The following MIGA1 variants were observed in gnomAD, a reference collection of about 807,000 sequenced individuals.
The protein encoded by MIGA1 is mitoguardin 1, also known as family with sequence similarity 73, member A.
MIGA1 carries 58 observed loss-of-function variants against 82.0 expected under a neutral mutation model. That is an observed-to-expected ratio of 0.71 (90% CI 0.57 to 0.88). MIGA1 has a LOEUF of 0.88. Among genes scored for constraint, MIGA1 ranks in the 40% least tolerant of loss-of-function variants. MIGA1 has a pLI of 0.00. For missense variants in MIGA1, 751 were observed against 749.1 expected, an observed-to-expected ratio of 1.00 and a Z score of -0.03; for synonymous variants, 249 against 253.6, an observed-to-expected ratio of 0.98 and a Z score of 0.17.
intron 7 of MIGA1, among the ~76,000 whole-genome samples, chr1:77,829,804 GT>G (rs567000156): frequency 4.7e-4 from 72 of 152,024 alleles, no homozygotes; most frequent in African/African-American, 1.7e-3. Flanking sequence ...TTATTGTTTT[GT>G]TTTTAATGTT....
At position 77,860,105 on chromosome 1, in the gene MIGA1, T is replaced by C; in HGVS notation, c.1254T>C (p.Ala418=). The C allele has an allele frequency of 6.2e-7, 1 of 1,610,900 alleles. No individual in the cohort carries two copies. The highest frequency in any genetic ancestry group is 8.5e-7 in the Non-Finnish European group (1 of 1,178,200). Residue 418 remains alanine (A), a synonymous_variant, in exon 11 of 16, where the codon GCT becomes GCC. Transcript: ENST00000370791. ...AGAGCGGAAGGAAAATTTTATCAGC[T>C]TTAATTGTGAAAGCACGAAAGGTAA...
Position 77,878,671 on chromosome 1 carries a change from A to G in MIGA1, c.*3607A>G, listed in dbSNP as rs1646913431. 2.9e-6 allele frequency: 1 copy of G among 341,968 alleles called. No individual in the cohort carries two copies. Among genetic ancestry groups the G allele is most frequent in the Admixed American group, 4.8e-5 (1 of 20,664 alleles). 21.2% of individuals were successfully genotyped at this position (341,968 alleles called of 1,614,324 possible). Reference sequence around the variant, plus strand: ...GAAGATAAATTTTGAGGCAATTTACATTTGGTATTTCTTTTAATTTCATTT... The same window carrying G: ...GAAGATAAATTTTGAGGCAATTTACGTTTGGTATTTCTTTTAATTTCATTT... On this transcript the variant is annotated 3_prime_UTR_variant, in exon 16 of 16. Coordinates refer to ENST00000370791, the MANE Select transcript of MIGA1 (RefSeq NM_198549.4).
chr1:77,813,909 A>C (rs865876201), intron 6 of MIGA1, 42 bp downstream of exon 6: 2 of 1,600,310 alleles, frequency 1.2e-6, no homozygotes, highest in Middle Eastern at 3.4e-4. Context: ...ATATTAGAAG[A>C]ATCAAACTTT....
At position 77,822,930 on chromosome 1, in the gene MIGA1, C is replaced by T. The variant is rs148158705; in HGVS notation, c.895+7699C>T. 1.6e-3 allele frequency among the ~76,000 whole-genome samples: 237 copies of T among 151,208 alleles called. 2 individuals are homozygous for T. In the East Asian group the frequency reaches 0.043, roughly 28 times the overall value. On this transcript the variant is annotated intron_variant, in intron 7 of 15. Transcript: ENST00000370791. ...CAGTCTTGGCTCGCTGCCACCTCCA[C>T]CTCTTGGGTTCAAGCAATTCTCCTG...
intron 7 of MIGA1, among the ~76,000 whole-genome samples, chr1:77,835,446 C>G (rs1428802484): frequency 6.6e-6 from 1 of 151,512 alleles, no homozygotes; most frequent in South Asian, 2.1e-4. Flanking sequence ...TAAAATGTTA[C>G]CAAAAATAAA....
At chr1:77,845,208 A>AT (rs761176435) in intron 8 of MIGA1, among the ~76,000 whole-genome samples, 5 of 152,106 alleles carry the variant, frequency 3.3e-5, no homozygotes, top group African/African-American at 4.8e-5. Flanking sequence ...CATTAAAAAA[A>AT]TTTTTCCACT....
intron 7 of MIGA1, among the ~76,000 whole-genome samples, chr1:77,829,085 G>C (rs1325340971): frequency 6.6e-6 from 1 of 152,022 alleles, no homozygotes; most frequent in Non-Finnish European, 1.5e-5. Context: ...ATTTTCCTTG[G>C]AAAGTGTTAA....
chr1:77,820,066 G>A (rs1570958227), intron 7 of MIGA1, among the ~76,000 whole-genome samples: 1 of 151,564 alleles, frequency 6.6e-6, no homozygotes, highest in Non-Finnish European at 1.5e-5. Context: ...ACAGAGTAAG[G>A]AGACTTTTAT....
chr1:77,807,895 C>T (rs373659451), intron 5 of MIGA1, among the ~76,000 whole-genome samples: 9 of 152,068 alleles, frequency 5.9e-5, no homozygotes, highest in South Asian at 2.1e-4. Context: ...ATCGGCTCAC[C>T]GCAACCTCCA....
At chr1:77,848,626 C>G in intron 8 of MIGA1, 1 of 1,525,956 alleles carries the variant, frequency 6.6e-7, no homozygotes, top group South Asian at 1.1e-5. Context: ...GGGAGCAAAA[C>G]ACAGACTCAC....
At chr1:77,782,522 A>C (rs1681967930) in intron 1 of MIGA1, among the ~76,000 whole-genome samples, 1 of 152,170 alleles carries the variant, frequency 6.6e-6, no homozygotes, top group African/African-American at 2.4e-5. Context: ...CATGTGTTCA[A>C]CTGGGTACAG....
chr1:77,839,948 G>T (rs1209683888), intron 7 of MIGA1, among the ~76,000 whole-genome samples: 1 of 152,020 alleles, frequency 6.6e-6, no homozygotes, highest in East Asian at 1.9e-4. Context: ...GCCCAGGCTG[G>T]CTTTGAACTC....
chr1:77,800,090 T>C (rs1206356786), intron 2 of MIGA1, among the ~76,000 whole-genome samples: 1 of 152,176 alleles, frequency 6.6e-6, no homozygotes, highest in Admixed American at 6.6e-5. Context: ...TTAATGGGGA[T>C]AGAGGAGAAA....
At chr1:77,843,892 A>G (rs930278363) in intron 8 of MIGA1, among the ~76,000 whole-genome samples, 2 of 151,752 alleles carry the variant, frequency 1.3e-5, no homozygotes, top group African/African-American at 4.8e-5. Context: ...TGAGCTCTGG[A>G]GTTTGAGACC....
In MIGA1 at chr1:77,814,174, G is replaced by A. The variant is rs530331910; in HGVS notation, c.771+307G>A. ...AGAGTGCTGGGGATTATAGGCATGA[G>A]CCAAGGTGCTGACCCAAAGTATTTT... is the stretch of plus-strand genomic sequence containing the variant. On this transcript the variant is annotated intron_variant, in intron 6 of 15. Coordinates refer to ENST00000370791, the MANE Select transcript of MIGA1 (RefSeq NM_198549.4). Among the ~76,000 whole-genome samples, 3 of 152,264 alleles carry A rather than the reference G, an allele frequency of 2.0e-5. No individual in the cohort carries two copies. In the East Asian group the frequency reaches 5.8e-4, roughly 29 times the overall value.
chr1:77,839,456 G>A (rs1433610442), intron 7 of MIGA1, among the ~76,000 whole-genome samples: 1 of 149,764 alleles, frequency 6.7e-6, no homozygotes, highest in African/African-American at 2.5e-5. Context: ...CTGCAGCCTT[G>A]AACTTACGGG....
chr1:77,824,807 G>T (rs1683966624), intron 7 of MIGA1, among the ~76,000 whole-genome samples: 1 of 151,950 alleles, frequency 6.6e-6, no homozygotes, highest in African/African-American at 2.4e-5. Flanking sequence ...TTTAAGGAAT[G>T]AATTCCACCC....
At chr1:77,823,034 G>A (rs867840818) in intron 7 of MIGA1, among the ~76,000 whole-genome samples, 69 of 151,188 alleles carry the variant, frequency 4.6e-4, no homozygotes, top group Admixed American at 2.6e-4. Flanking sequence ...GTAGAGACGG[G>A]GTTTCACCAC....
At chr1:77,872,251 T>A (rs1390446177) in intron 14 of MIGA1, among the ~76,000 whole-genome samples, 3 of 151,998 alleles carry the variant, frequency 2.0e-5, no homozygotes, top group Non-Finnish European at 4.4e-5. Context: ...ATTATAGGCA[T>A]GAGCCACCAT....
Sources: gnomAD v4.1 joint callset for allele counts (sites outside exome capture counted in the v4.1 genomes callset) on GRCh38, gnomAD v4.1.1 for gene constraint, MANE v1.5 for transcripts, NCBI Gene and HGNC (gene_info 2026-07-23, HGNC 2026-07-21) for gene names.